Variants in LOXHD1 observed in about 807,000 individuals in gnomAD.
The protein encoded by LOXHD1 is lipoxygenase homology domain-containing protein 1.
Under a neutral mutation model 248.2 loss-of-function variants are expected in LOXHD1, and 205 were observed. The ratio of observed to expected loss-of-function variants is 0.83; its 90% confidence interval spans 0.74 to 0.93. The LOEUF (loss-of-function observed/expected upper bound fraction) is 0.93. LOXHD1 is among the 40% of genes least tolerant of loss of function. The pLI, the probability that LOXHD1 is intolerant of heterozygous loss-of-function variation, is 0.00. For synonymous variants in LOXHD1, 1,113 were observed against 1,162.8 expected (o/e 0.96, Z 0.87); for missense variants, 2,930 against 2,971.6 (o/e 0.99, Z 0.33).
intron 11 of LOXHD1, among the ~76,000 whole-genome samples, chr18:46,592,297 C>G (rs544760651): frequency 6.6e-6 from 1 of 152,070 alleles, no homozygotes; most frequent in African/African-American, 2.4e-5. Flanking sequence ...AACACCTGAG[C>G]GTTTTCTTAA....
At chr18:46,654,082 C>T (rs555119459) in intron 1 of LOXHD1, among the ~76,000 whole-genome samples, 53 of 152,156 alleles carry the variant, frequency 3.5e-4, no homozygotes, top group Non-Finnish European at 5.9e-4. Context: ...GCTTCCCCCT[C>T]GTGAAAGGGA....
chr18:46,565,149 A>T (rs2037612756), intron 17 of LOXHD1, among the ~76,000 whole-genome samples: 1 of 152,096 alleles, frequency 6.6e-6, no homozygotes, highest in South Asian at 2.1e-4. Context: ...CTGTAGTCCC[A>T]GCTACTCAGG....
At chr18:46,636,312 G>A (rs963053294) in intron 4 of LOXHD1, among the ~76,000 whole-genome samples, 2 of 152,166 alleles carry the variant, frequency 1.3e-5, no homozygotes, top group Admixed American at 1.3e-4. Flanking sequence ...GTCAGGCACC[G>A]TACTGTGCAA....
intron 37 of LOXHD1, among the ~76,000 whole-genome samples, chr18:46,493,794 A>G (rs1400087323): frequency 6.6e-6 from 1 of 152,228 alleles, no homozygotes; most frequent in East Asian, 1.9e-4. Context: ...TTAACATGCC[A>G]TCTCTGCCTG....
intron 12 of LOXHD1, among the ~76,000 whole-genome samples, chr18:46,591,688 A>G (rs1405998849): frequency 6.6e-6 from 1 of 152,134 alleles, no homozygotes; most frequent in African/African-American, 2.4e-5. Flanking sequence ...CTCAGAGCCA[A>G]CCTGAAGACC....
chr18:46,557,611 C>A, intron 20 of LOXHD1, 122 bp from the exon 21 acceptor site: 2 of 1,174,432 alleles, frequency 1.7e-6, no homozygotes, highest in Non-Finnish European at 2.4e-6. Context: ...CCAAAGCAAC[C>A]AGGAGTGGGG....
Position 46,538,169 on chromosome 18 carries a change from C to T in LOXHD1, c.4082G>A (p.Arg1361His), listed in dbSNP as rs374474061. The T allele has an allele frequency of 6.3e-5, 96 of 1,532,162 alleles. No homozygotes were observed. In the African/African-American group the frequency reaches 1.1e-3, roughly 18 times the overall value. 94.9% of individuals were successfully genotyped at this position (1,532,162 alleles called of 1,614,324 possible). ...GAGCCCAAGTACCTCTACGATGAAG[C>T]GGGAGGCAGACTTCCTCTCAAAGAA... The part of the protein sequence containing the change: ...KQFFERKSAS[R>H]FIVELEDVGE... Residue 1361 changes from arginine (R) to histidine (H), a missense_variant, in exon 26 of 41, where the codon CGC becomes CAC. Transcript: ENST00000642948.
Position 46,560,526 on chromosome 18 carries a change from C to A in LOXHD1, c.2618G>T (p.Gly873Val), listed in dbSNP as rs1276310391. Residue 873 changes from glycine to valine, a missense_variant, in exon 19 of 41, where the codon GGC (glycine) becomes GTC (valine). Gly to Val is a moderately radical substitution (Grantham distance 109). Transcript: ENST00000642948. ...DTFQLEAADVGEVYKLRLGHT... is the reference protein window; with the variant it reads ...DTFQLEAADVVEVYKLRLGHT... ...CCCGAGCCGGAGCTTATAGACCTCG[C>A]CCACGTCGGCCGCCTCAAGCTGTTC... 1 of 1,531,742 alleles carries A rather than the reference C, an allele frequency of 6.5e-7. No homozygotes were observed. Among genetic ancestry groups the A allele is most frequent in the South Asian group, 1.2e-5 (1 of 83,866 alleles). 94.9% of individuals were successfully genotyped at this position (1,531,742 alleles called of 1,614,324 possible).
chr18:46,522,011 C>A (rs1461679321), intron 32 of LOXHD1, 90 bp downstream of exon 32: 2 of 957,338 alleles, frequency 2.1e-6, no homozygotes, highest in East Asian at 2.7e-5. Flanking sequence ...GCTGTTCTTC[C>A]CACCCTGCAC....
intron 12 of LOXHD1, 115 bp from the exon 13 acceptor site, chr18:46,579,899 C>T: frequency 8.0e-7 from 1 of 1,251,256 alleles, no homozygotes; most frequent in African/African-American, 1.5e-5. Flanking sequence ...CTCATCTGGG[C>T]TGACCTTCCC....
chr18:46,486,740 T>C (rs1960380875), intron 38 of LOXHD1, among the ~76,000 whole-genome samples: 1 of 152,092 alleles, frequency 6.6e-6, no homozygotes, highest in Admixed American at 6.5e-5. Flanking sequence ...CGTGATGGAC[T>C]CAAGTAGGAG....
chr18:46,575,377 C>G (rs1398423880), intron 14 of LOXHD1, among the ~76,000 whole-genome samples: 1 of 152,134 alleles, frequency 6.6e-6, no homozygotes, highest in East Asian at 1.9e-4. Context: ...ATTGTGTCCC[C>G]CCACCCCACC....
At chr18:46,651,372 C>A (rs1386160484) in intron 1 of LOXHD1, among the ~76,000 whole-genome samples, 1 of 152,056 alleles carries the variant, frequency 6.6e-6, no homozygotes, top group Non-Finnish European at 1.5e-5. Flanking sequence ...GCTGATCAAC[C>A]CCCGGAGCCC....
At chr18:46,597,633 C>T (rs1341759690) in intron 8 of LOXHD1, among the ~76,000 whole-genome samples, 1 of 152,042 alleles carries the variant, frequency 6.6e-6, no homozygotes, top group Non-Finnish European at 1.5e-5. Flanking sequence ...GGAAACATCA[C>T]TGCAATTTTT....
intron 37 of LOXHD1, among the ~76,000 whole-genome samples, chr18:46,490,263 G>T (rs1029862835): frequency 3.3e-5 from 5 of 152,178 alleles, no homozygotes; most frequent in African/African-American, 4.8e-5. Flanking sequence ...GACACAAAAA[G>T]ATAGACACAC....
chr18:46,524,320 G>T, intron 31 of LOXHD1, 146 bp downstream of exon 31: 2 of 1,224,128 alleles, frequency 1.6e-6, no homozygotes, highest in Non-Finnish European at 2.2e-6. Context: ...GGATAAAACA[G>T]GTAATATGTG....
intron 5 of LOXHD1, among the ~76,000 whole-genome samples, chr18:46,614,511 T>A (rs532302405): frequency 1.3e-5 from 2 of 151,748 alleles, no homozygotes; most frequent in South Asian, 2.1e-4. Flanking sequence ...TAGGTGGGAA[T>A]TGAACAATGA....
chr18:46,534,640 CCT>C (rs1159052277), intron 26 of LOXHD1, among the ~76,000 whole-genome samples, 189 bp from the exon 27 acceptor site: 1 of 152,172 alleles, frequency 6.6e-6, no homozygotes, highest in Non-Finnish European at 1.5e-5. Flanking sequence ...CCTCATGTCC[CCT>C]CTCTTAAAGT....
chr18:46,648,577 C>T (rs2039063759), intron 2 of LOXHD1, among the ~76,000 whole-genome samples: 1 of 152,166 alleles, frequency 6.6e-6, no homozygotes. Context: ...TTGGTGTATG[C>T]GTGCATGCAG....
Sources: gnomAD v4.1 joint callset for allele counts (sites outside exome capture counted in the v4.1 genomes callset) on GRCh38, gnomAD v4.1.1 for gene constraint, MANE v1.5 for transcripts, NCBI Gene and HGNC (gene_info 2026-07-23, HGNC 2026-07-21) for gene names.